Variants in TBC1D23 observed in about 807,000 individuals in gnomAD.
TBC1D23 encodes the protein HCV non-structural protein 4A-transactivated protein 1.
A neutral mutation model predicts 91.4 loss-of-function variants in TBC1D23; 55 were observed. The ratio of observed to expected loss-of-function variants is 0.60; its 90% CI spans 0.48 to 0.75. TBC1D23 has a LOEUF of 0.75. Ranked by LOEUF, TBC1D23 falls within the 30% of genes least tolerant of loss-of-function variation. The pLI is 0.00. For missense variants in TBC1D23, 725 were observed against 836.1 expected (o/e 0.87, Z 1.64); for synonymous variants, 289 against 281.0 (o/e 1.03, Z -0.28).
At position 100,281,845 on chromosome 3, in the gene TBC1D23, T is replaced by C. The variant is rs749516941; in HGVS notation, c.269T>C (p.Ile90Thr). The C allele has an allele frequency of 5.0e-6, 8 of 1,595,062 alleles. No individual in the cohort carries two copies. The highest frequency in any genetic ancestry group is 1.7e-5 in the Admixed American group (1 of 58,788). The change falls in exon 3 of 19, where the codon ATT (isoleucine) becomes ACT (threonine). Residue 90 changes from isoleucine (I) to threonine (T), a missense_variant and splice_region_variant. Coordinates refer to ENST00000394144, the MANE Select transcript of TBC1D23 (RefSeq NM_001199198.3). ...ATTCACAAAGATTGCCTGCAGTTTA[T>C]TGGTAAGCTGAATAATCACTTTCAA... ...NTIHKDCLQFIDQLSVPEEKA... is the reference protein window; with the variant it reads ...NTIHKDCLQFTDQLSVPEEKA...
intron 5 of TBC1D23, among the ~76,000 whole-genome samples, chr3:100,294,636 T>C (rs984549527): frequency 6.6e-6 from 1 of 152,228 alleles, no homozygotes; most frequent in Admixed American, 6.5e-5. Flanking sequence ...TTTTATTAGC[T>C]GCTCTTAAAT....
At chr3:100,268,107 G>C (rs1389184812) in intron 1 of TBC1D23, among the ~76,000 whole-genome samples, 1 of 152,130 alleles carries the variant, frequency 6.6e-6, no homozygotes, top group African/African-American at 2.4e-5. Flanking sequence ...GATGAATCGA[G>C]GCTGCAGTGA....
chr3:100,308,385 G>GA (rs1400100976), intron 13 of TBC1D23, among the ~76,000 whole-genome samples: 1 of 151,936 alleles, frequency 6.6e-6, no homozygotes, highest in Admixed American at 6.6e-5. Flanking sequence ...TGAGGCAGGA[G>GA]AATGGTGTGA....
At chr3:100,313,939 A>G (rs1293585082) in intron 15 of TBC1D23, among the ~76,000 whole-genome samples, 1 of 152,108 alleles carries the variant, frequency 6.6e-6, no homozygotes, top group African/African-American at 2.4e-5. Flanking sequence ...CCAAATGATT[A>G]TGTCACTTGT....
At chr3:100,306,608 T>TAAACCCCCACCATAACAGAAATGGAGTCA in intron 13 of TBC1D23, 65 bp downstream of exon 13, 5 of 891,238 alleles carry the variant, frequency 5.6e-6, no homozygotes, top group Non-Finnish European at 5.6e-6. Flanking sequence ...GATTAACTAC[T>TAAACCCCCACCATAACAGAAATGGAGTCA]AAACCCCCAC....
At chr3:100,306,057 A>AT (rs1463090770) in intron 12 of TBC1D23, among the ~76,000 whole-genome samples, 1 of 152,202 alleles carries the variant, frequency 6.6e-6, no homozygotes, top group African/African-American at 2.4e-5. Context: ...ATTGATTGAT[A>AT]TCTCCTTATG....
At chr3:100,286,168 A>T (rs886548576) in intron 4 of TBC1D23, among the ~76,000 whole-genome samples, 1 of 152,202 alleles carries the variant, frequency 6.6e-6, no homozygotes, top group African/African-American at 2.4e-5. Context: ...CCAAGACTTG[A>T]ATTCATATTT....
chr3:100,270,628 G>T (rs964445194), intron 1 of TBC1D23, among the ~76,000 whole-genome samples: 1 of 152,174 alleles, frequency 6.6e-6, no homozygotes, highest in Non-Finnish European at 1.5e-5. Flanking sequence ...AGTACTTTCA[G>T]TGAAGGTTTC....
At chr3:100,286,647 G>C (rs2067744648) in intron 4 of TBC1D23, among the ~76,000 whole-genome samples, 1 of 151,972 alleles carries the variant, frequency 6.6e-6, no homozygotes, top group African/African-American at 2.4e-5. Context: ...ACAGGCATGT[G>C]CGACCATACC....
chr3:100,319,339 G>A, intron 17 of TBC1D23, 135 bp downstream of exon 17: 1 of 719,280 alleles, frequency 1.4e-6, no homozygotes, highest in Non-Finnish European at 2.2e-6. Flanking sequence ...TTGTATTACA[G>A]GTCTTGAATT....
At chr3:100,298,693 A>C (rs1218898585) in intron 9 of TBC1D23, among the ~76,000 whole-genome samples, 1 of 152,226 alleles carries the variant, frequency 6.6e-6, no homozygotes, top group East Asian at 1.9e-4. Flanking sequence ...AAATACAAGC[A>C]TCTCACTTTT....
In TBC1D23 at chr3:100,280,952, G is replaced by A. The variant is rs151001159; in HGVS notation, c.166-790G>A. Among the ~76,000 whole-genome samples the A allele has an allele frequency of 6.7e-3, 1,025 of 152,254 alleles. 63 individuals are homozygous for A. In the East Asian group the frequency reaches 0.15, roughly 23 times the overall value. On this transcript the variant is annotated intron_variant, in intron 2 of 18. Transcript: ENST00000394144. The stretch of plus-strand genomic sequence containing the variant: ...AGGCAGGTGGATCACCTGAGGTTAG[G>A]AGTTTGAGACCAGCCTGGCCAACAT...
Position 100,323,733 on chromosome 3 carries a change from G to GTTAGTATTCAGTCAGGAGGT in TBC1D23, c.*65_*66insTTAGTATTCAGTCAGGAGGT. ...AGAGAAACATGGACATATACCTCCT[G>GTTAGTATTCAGTCAGGAGGT]ACTGAATACTAACTGGAGACCTTTC... On this transcript the variant is annotated 3_prime_UTR_variant, in exon 19 of 19. Transcript: ENST00000394144. The GTTAGTATTCAGTCAGGAGGT allele has an allele frequency of 2.8e-6, 2 of 716,802 alleles. No homozygotes were observed. Among genetic ancestry groups the GTTAGTATTCAGTCAGGAGGT allele is most frequent in the Non-Finnish European group, 4.1e-6 (2 of 489,310 alleles). The allele number at this position is 716,802 out of a possible 1,614,324, so 44.4% of individuals were successfully genotyped here.
intron 4 of TBC1D23, chr3:100,284,076 C>A: frequency 2.8e-6 from 1 of 361,244 alleles, no homozygotes; most frequent in South Asian, 5.8e-5. Flanking sequence ...CAAAAGGATA[C>A]AAAATAGCAA....
At chr3:100,287,359 C>T (rs911942278) in intron 4 of TBC1D23, among the ~76,000 whole-genome samples, 4 of 152,156 alleles carry the variant, frequency 2.6e-5, no homozygotes, top group Non-Finnish European at 4.4e-5. Flanking sequence ...GGCAGAATCC[C>T]GTCAAGCACA....
At chr3:100,313,010 A>T (rs911760813) in intron 15 of TBC1D23, among the ~76,000 whole-genome samples, 1 of 149,332 alleles carries the variant, frequency 6.7e-6, no homozygotes, top group Non-Finnish European at 1.5e-5. Context: ...GCGTCTCAAA[A>T]AATAATAATA....
intron 1 of TBC1D23, among the ~76,000 whole-genome samples, chr3:100,265,386 A>G (rs1167132703): frequency 1.3e-5 from 2 of 152,256 alleles, no homozygotes; most frequent in Admixed American, 6.5e-5. Context: ...GGATTCAGCC[A>G]TGTAAGCTCA....
At chr3:100,264,966 G>C (rs1030350601) in intron 1 of TBC1D23, among the ~76,000 whole-genome samples, 10 of 152,124 alleles carry the variant, frequency 6.6e-5, no homozygotes, top group African/African-American at 1.7e-4. Context: ...AGCTGCTGGG[G>C]GTTGCCAATT....
Position 100,302,140 on chromosome 3 carries a change from C to T in TBC1D23, c.1166C>T (p.Ser389Phe). The T allele has an allele frequency of 6.2e-7, 1 of 1,614,020 alleles. No homozygotes were observed. The highest frequency in any genetic ancestry group is 8.5e-7 in the Non-Finnish European group (1 of 1,179,914). The part of the protein sequence containing the change: ...LLEAQKQSIE[S>F]GSIAGGEHLC... ...GAAGCACAGAAGCAGTCCATTGAGT[C>T]TGGCTCCATAGCTGGTGGGGAGCAC... is the stretch of plus-strand genomic sequence containing the variant. Residue 389 changes from serine (S) to phenylalanine (F), a missense_variant, in exon 11 of 19, where the codon TCT becomes TTT. Physicochemically the swap from Ser to Phe is radical, Grantham distance 155. Transcript: ENST00000394144.
Sources: gnomAD v4.1 joint callset for allele counts (sites outside exome capture counted in the v4.1 genomes callset) on GRCh38, gnomAD v4.1.1 for gene constraint, MANE v1.5 for transcripts, NCBI Gene and HGNC (gene_info 2026-07-23, HGNC 2026-07-21) for gene names.